The following NELL2 variants were observed in gnomAD, a reference collection of about 807,000 sequenced individuals.
NELL2 encodes protein kinase C-binding protein NELL2.
Under a neutral mutation model 109.6 loss-of-function variants are expected in NELL2, and 41 were observed. That is an observed-to-expected ratio of 0.37 (90% confidence interval 0.29 to 0.49). The LOEUF is 0.49. Among genes scored for constraint, NELL2 ranks in the 20% least tolerant of loss-of-function variants. NELL2 has a pLI of 0.98. For missense variants in NELL2, 900 were observed against 1,008.3 expected (o/e 0.89, Z 1.45); for synonymous variants, 355 against 344.7 (o/e 1.03, Z -0.33).
At chr12:44,566,905 G>A (rs1044449237) in intron 15 of NELL2, among the ~76,000 whole-genome samples, 6 of 151,816 alleles carry the variant, frequency 4.0e-5, no homozygotes, top group African/African-American at 7.3e-5. Context: ...TCCACCTCTC[G>A]GGTTCAAGCG....
intron 9 of NELL2, among the ~76,000 whole-genome samples, chr12:44,772,372 AAGTC>A (rs1341990468): frequency 6.6e-6 from 1 of 152,210 alleles, no homozygotes; most frequent in African/African-American, 2.4e-5. Flanking sequence ...TGTACTATTT[AAGTC>A]AGTCAGTCAA....
chr12:44,891,621 A>AT (rs997779533), intron 1 of NELL2, among the ~76,000 whole-genome samples: 12 of 147,520 alleles, frequency 8.1e-5, no homozygotes, highest in African/African-American at 4.9e-5. Context: ...TGTAACACTG[A>AT]TTTTTTTTCC....
At chr12:44,673,727 C>G (rs1008368882) in intron 12 of NELL2, among the ~76,000 whole-genome samples, 5 of 152,198 alleles carry the variant, frequency 3.3e-5, no homozygotes, top group African/African-American at 1.2e-4. Context: ...CACTGTCAAC[C>G]AGTTAGCTGC....
intron 14 of NELL2, among the ~76,000 whole-genome samples, chr12:44,609,156 G>A (rs578161924): frequency 2.0e-5 from 3 of 151,896 alleles, no homozygotes; most frequent in Non-Finnish European, 4.4e-5. Flanking sequence ...TGGAGATGTT[G>A]CCCAATCTGG....
chr12:44,783,507 A>T (rs1238177464), intron 3 of NELL2, among the ~76,000 whole-genome samples: 2 of 151,984 alleles, frequency 1.3e-5, no homozygotes, highest in African/African-American at 4.8e-5. Context: ...TTAAGAGATA[A>T]ACAGGAGATT....
chr12:44,708,063 G>C lies in NELL2; in HGVS notation c.1189+3229C>G, dbSNP rs375615951. 2.0e-4 allele frequency among the ~76,000 whole-genome samples: 30 copies of C among 152,228 alleles called. No individual in the cohort carries two copies. The East Asian group carries it at 2.5e-3, about 13-fold the overall frequency. ...AGGCAGACAAAGTGGTTGCCAAGGAGGAGGAGAAGAACCAGAAGGACTGTG... is the reference window on the plus strand; with the variant it reads ...AGGCAGACAAAGTGGTTGCCAAGGACGAGGAGAAGAACCAGAAGGACTGTG... On this transcript the variant is annotated intron_variant, in intron 11 of 19. Coordinates refer to ENST00000429094, the MANE Select transcript of NELL2 (RefSeq NM_001145108.2).
At chr12:44,617,149 T>C (rs917155806) in intron 13 of NELL2, among the ~76,000 whole-genome samples, 2 of 152,174 alleles carry the variant, frequency 1.3e-5, no homozygotes, top group Non-Finnish European at 2.9e-5. Context: ...ATTCATTAGA[T>C]GATTTTAAAT....
intron 2 of NELL2, among the ~76,000 whole-genome samples, chr12:44,860,412 C>A (rs1283762275): frequency 6.6e-6 from 1 of 152,182 alleles, no homozygotes; most frequent in Non-Finnish European, 1.5e-5. Flanking sequence ...ACAAATTTGT[C>A]TTGCAGTTCT....
intron 13 of NELL2, among the ~76,000 whole-genome samples, chr12:44,643,336 T>G (rs768834502): frequency 1.3e-5 from 2 of 152,200 alleles, no homozygotes; most frequent in Admixed American, 6.5e-5. Flanking sequence ...TTGTGAAATA[T>G]TGATATGATA....
At chr12:44,580,986 C>A (rs896726398) in intron 15 of NELL2, among the ~76,000 whole-genome samples, 2 of 152,042 alleles carry the variant, frequency 1.3e-5, no homozygotes, top group Non-Finnish European at 2.9e-5. Context: ...AAACATGTTA[C>A]CTTCATTTTG....
intron 15 of NELL2, among the ~76,000 whole-genome samples, chr12:44,589,727 T>C (rs2136223699): frequency 6.6e-6 from 1 of 152,346 alleles, no homozygotes; most frequent in East Asian, 1.9e-4. Context: ...TCTTAATTAG[T>C]AATCTTGGCT....
chr12:44,812,309 G>A (rs933137752), intron 3 of NELL2, among the ~76,000 whole-genome samples: 1 of 152,114 alleles, frequency 6.6e-6, no homozygotes, highest in African/African-American at 2.4e-5. Flanking sequence ...CTAGATGTAT[G>A]TTATCAACAT....
intron 15 of NELL2, among the ~76,000 whole-genome samples, chr12:44,533,344 T>C (rs1041269706): frequency 1.3e-5 from 2 of 152,174 alleles, no homozygotes; most frequent in Non-Finnish European, 2.9e-5. Context: ...TCAACATGCT[T>C]CACATGTTCA....
At chr12:44,756,500 C>A (rs1349556038) in intron 9 of NELL2, among the ~76,000 whole-genome samples, 4 of 152,048 alleles carry the variant, frequency 2.6e-5, no homozygotes, top group African/African-American at 7.2e-5. Flanking sequence ...AAAAGCATCA[C>A]CCCTTCTCCC....
At chr12:44,736,004 CTTTTTT>C (rs35988182) in intron 9 of NELL2, among the ~76,000 whole-genome samples, 1 of 99,398 alleles carries the variant, frequency 1.0e-5, no homozygotes, top group Non-Finnish European at 2.1e-5. Context: ...GCAGTTAATT[CTTTTTT>C]TTTTTTTTTT....
At chr12:44,529,226 G>A (rs1470333331) in intron 16 of NELL2, among the ~76,000 whole-genome samples, 1 of 152,094 alleles carries the variant, frequency 6.6e-6, no homozygotes, top group Non-Finnish European at 1.5e-5. Flanking sequence ...GGTCAGACTG[G>A]GAATATATTT....
intron 2 of NELL2, among the ~76,000 whole-genome samples, chr12:44,872,207 T>G (rs1945184285): frequency 1.3e-5 from 2 of 152,148 alleles, no homozygotes; most frequent in Non-Finnish European, 2.9e-5. Flanking sequence ...TTTAAAAGCA[T>G]AATAAGTGTA....
At chr12:44,601,361 A>G (rs1945214559) in intron 15 of NELL2, among the ~76,000 whole-genome samples, 2 of 152,158 alleles carry the variant, frequency 1.3e-5, no homozygotes, top group Non-Finnish European at 2.9e-5. Flanking sequence ...ACTTTTGACT[A>G]CTTTTTGAAT....
intron 9 of NELL2, among the ~76,000 whole-genome samples, chr12:44,754,314 T>C (rs1334676177): frequency 1.3e-5 from 2 of 152,226 alleles, no homozygotes; most frequent in African/African-American, 2.4e-5. Context: ...GACCAGTTAC[T>C]GCTTTTTCAA....
Sources: allele counts gnomAD v4.1 joint callset (sites outside exome capture counted in the v4.1 genomes callset), GRCh38; gene constraint gnomAD v4.1.1; transcripts MANE v1.5; gene names NCBI Gene and HGNC (gene_info 2026-07-23, HGNC 2026-07-21).